MDFI: variants seen among roughly 807,000 people sequenced by gnomAD.
The protein encoded by MDFI is MyoD family inhibitor.
MDFI carries 16 observed loss-of-function variants against 22.3 expected under a neutral mutation model. The observed-to-expected ratio is 0.72, with a 90% CI of 0.49 to 1.09. The LOEUF (loss-of-function observed/expected upper bound fraction) is 1.09. MDFI is among the 50% of genes least tolerant of loss of function. MDFI has a pLI of 0.00. For synonymous variants in MDFI, 145 were observed against 142.7 expected (o/e 1.02, Z -0.12); for missense variants, 314 against 326.1 (o/e 0.96, Z 0.29).
intron 4 of MDFI, chr6:41,650,068 T>G: frequency 1.9e-6 from 1 of 525,336 alleles, no homozygotes; most frequent in South Asian, 2.8e-5. Flanking sequence ...GTACACCCGT[T>G]GGGTAAAGGT....
intron 3 of MDFI, among the ~76,000 whole-genome samples, chr6:41,647,817 C>T (rs1171939672): frequency 2.6e-5 from 4 of 151,794 alleles, no homozygotes; most frequent in Non-Finnish European, 4.4e-5. Flanking sequence ...CTGAGGCGGG[C>T]GGATCACGAG....
At chr6:41,637,898 C>T (rs1382942288), upstream of MDFI, among the ~76,000 whole-genome samples, 1 of 152,192 alleles carries the variant, frequency 6.6e-6, no homozygotes, top group Non-Finnish European at 1.5e-5. The surrounding 1 kb of genome is among the most constrained non-coding windows in gnomAD (Gnocchi z 6.8). Flanking sequence ...CGGCACAGGG[C>T]AGGCTGGTTG....
chr6:41,653,876 G>A lies in MDFI; in HGVS notation c.*301G>A, dbSNP rs1186111667. 24 of 472,606 alleles carry A rather than the reference G, an allele frequency of 5.1e-5. No individual in the cohort carries two copies. 29.3% of individuals were successfully genotyped at this position (472,606 alleles called of 1,614,324 possible). A position where few individuals can be genotyped will look rare whatever the true frequency, so the allele number is the denominator to read the frequency against. ...GACAACCTAGGGGCAGGGCTGGGGT[G>A]GGGACCGCAGGGGGCAGCCAGGGCT... On this transcript the variant is annotated 3_prime_UTR_variant, in exon 5 of 5. Transcript: ENST00000230321. This position sits in a 1 kb window ranked among gnomAD's most constrained non-coding sequence, Gnocchi z 4.2.
intron 4 of MDFI, 67 bp downstream of exon 4, chr6:41,649,910 T>G: frequency 7.2e-7 from 1 of 1,389,078 alleles, no homozygotes; most frequent in Non-Finnish European, 1.0e-6. Flanking sequence ...GCATGACGCA[T>G]GGGCCCACTG....
chr6:41,645,377 A>G (rs991254877), intron 2 of MDFI, among the ~76,000 whole-genome samples: 2 of 151,834 alleles, frequency 1.3e-5, no homozygotes, highest in Admixed American at 6.6e-5. Context: ...GCCCCTGCAC[A>G]GAGCCACTGT....
At chr6:41,646,099 G>C (rs980274201) in intron 2 of MDFI, 27 bp from the exon 3 acceptor site, 5 of 1,438,272 alleles carry the variant, frequency 3.5e-6, no homozygotes, top group Non-Finnish European at 4.6e-6. Context: ...CAGGAAAATG[G>C]ACCTCAGTCA....
intron 2 of MDFI, among the ~76,000 whole-genome samples, chr6:41,643,539 AGGGAAGGAGGG>A: frequency 1.9e-5 from 2 of 107,284 alleles, no homozygotes; most frequent in Non-Finnish European, 3.8e-5. Context: ...GGAGGGAAGG[AGGGAAGGAGGG>A]AAGGAAGGAA....
At chr6:41,640,413 G>A (rs1767808754) in intron 2 of MDFI, among the ~76,000 whole-genome samples, 1 of 152,206 alleles carries the variant, frequency 6.6e-6, no homozygotes, top group Non-Finnish European at 1.5e-5. Context: ...AACTGGGAGG[G>A]TTAAGCTCTG....
At chr6:41,640,752 G>C in intron 2 of MDFI, among the ~76,000 whole-genome samples, 1 of 152,154 alleles carries the variant, frequency 6.6e-6, no homozygotes, top group Non-Finnish European at 1.5e-5. Flanking sequence ...GGCACAAGGG[G>C]ACTCAGGGCA....
At chr6:41,637,274 G>GTA (rs1554129095), upstream of MDFI, 8 of 152,004 alleles carry the variant, frequency 5.3e-5, no homozygotes, top group Admixed American at 4.6e-4. This position sits in a 1 kb window ranked among gnomAD's most constrained non-coding sequence, Gnocchi z 6.8. Flanking sequence ...TGCGATAGCC[G>GTA]TAAGTAGCGA....
chr6:41,653,654 C>A lies in MDFI; in HGVS notation c.*79C>A. On this transcript the variant is annotated 3_prime_UTR_variant, in exon 5 of 5. Coordinates refer to ENST00000230321, the MANE Select transcript of MDFI (RefSeq NM_005586.4). The surrounding 1 kb of genome is among the most constrained non-coding windows in gnomAD (Gnocchi z 4.2). Reference sequence around the variant, plus strand: ...CCTCTGAGTGGGGCCAGGCCCAGGACTGTCACACAAGGCTTGAGAAGCCCC... The same window carrying A: ...CCTCTGAGTGGGGCCAGGCCCAGGAATGTCACACAAGGCTTGAGAAGCCCC... 6.4e-7 allele frequency: 1 copy of A among 1,554,456 alleles called. No homozygotes were observed.
chr6:41,637,488 C>T (rs908040734), upstream of MDFI, among the ~76,000 whole-genome samples: 1 of 152,006 alleles, frequency 6.6e-6, no homozygotes, highest in Non-Finnish European at 1.5e-5. The surrounding 1 kb of genome is among the most constrained non-coding windows in gnomAD (Gnocchi z 6.8). Context: ...ACGGCCGAGA[C>T]GCTGTCACCC....
Position 41,646,286 on chromosome 6 carries a change from C to T in MDFI, c.237C>T (p.Asp79=), listed in dbSNP as rs759016564. 8.2e-6 allele frequency: 12 copies of T among 1,461,250 alleles called. No individual in the cohort carries two copies. The highest frequency in any genetic ancestry group is 2.9e-5 in the African/African-American group (2 of 68,468). The allele number at this position is 1,461,250 out of a possible 1,614,324, so 90.5% of individuals were successfully genotyped here. Residue 79 remains aspartate, a synonymous_variant, in exon 3 of 5, where the codon GAC becomes GAT. Coordinates refer to ENST00000230321, the MANE Select transcript of MDFI (RefSeq NM_005586.4). ...IPQGLDSTDL[D]VPTEAVTCQP... is the part of the protein sequence containing the mutation. The stretch of plus-strand genomic sequence containing the variant: ...AGGGCCTGGACAGCACTGACCTCGA[C>T]GTCCCCACAGAAGCTGTGACATGTG...
chr6:41,643,151 C>G (rs779503137), intron 2 of MDFI, among the ~76,000 whole-genome samples: 1 of 152,164 alleles, frequency 6.6e-6, no homozygotes, highest in African/African-American at 2.4e-5. Context: ...TCAACACCAC[C>G]CCGCAGCATG....
rs965663569 is a variant in MDFI, at chr6:41,647,900, G to A, written c.259+1592G>A. ...TACTAAAAAATACAAAAAATTAGCC[G>A]GGCGTGGTGGCGGGCGCATGTAGTC... On this transcript the variant is annotated intron_variant, in intron 3 of 4. Transcript: ENST00000230321. Among the ~76,000 whole-genome samples, 8 of 151,974 alleles carry A rather than the reference G, an allele frequency of 5.3e-5. No individual in the cohort carries two copies. In the South Asian group the frequency reaches 6.2e-4, roughly 12 times the overall value.
At position 41,653,584 on chromosome 6, in the gene MDFI, C is replaced by CG. The variant is rs774209821; in HGVS notation, c.*14dup. The CG allele has an allele frequency of 5.0e-6, 8 of 1,599,222 alleles. No individual in the cohort carries two copies. The highest frequency in any genetic ancestry group is 1.1e-5 in the South Asian group (1 of 91,058). ...TCTGCTTCTCCTCCTGAGCCTCTGT[C>CG]GGGGGCTAAGCCAGCCTGGCGCCCC... is the stretch of plus-strand genomic sequence containing the variant. On this transcript the variant is annotated 3_prime_UTR_variant, in exon 5 of 5. Coordinates refer to ENST00000230321, the MANE Select transcript of MDFI (RefSeq NM_005586.4). The surrounding 1 kb of genome is among the most constrained non-coding windows in gnomAD (Gnocchi z 4.2).
At chr6:41,643,029 C>T (rs1767907666) in intron 2 of MDFI, among the ~76,000 whole-genome samples, 1 of 152,190 alleles carries the variant, frequency 6.6e-6, no homozygotes. Context: ...CTGGCTCTCT[C>T]TACCATAGGA....
chr6:41,650,811 T>C (rs968458566), intron 4 of MDFI, among the ~76,000 whole-genome samples: 1 of 151,538 alleles, frequency 6.6e-6, no homozygotes, highest in African/African-American at 2.4e-5. Flanking sequence ...TGACCTCAGG[T>C]GATCCACCCG....
At chr6:41,639,124 G>GTCTC in intron 2 of MDFI, 1 of 621,432 alleles carries the variant, frequency 1.6e-6, no homozygotes, top group Non-Finnish European at 2.0e-6. Context: ...ACTCCGCGGT[G>GTCTC]TCTGTCCGTC....
Sources: allele counts gnomAD v4.1 joint callset (sites outside exome capture counted in the v4.1 genomes callset), GRCh38; gene constraint gnomAD v4.1.1; non-coding constraint Gnocchi (gnomAD v3.1); transcripts MANE v1.5; gene names NCBI Gene and HGNC (gene_info 2026-07-23, HGNC 2026-07-21).